The following NUP37 variants were observed in gnomAD, a reference collection of about 807,000 sequenced individuals.
The protein encoded by NUP37 is nucleoporin 37.
A neutral mutation model predicts 45.4 loss-of-function variants in NUP37; 33 were observed. That is an observed-to-expected ratio of 0.73 (90% CI 0.55 to 0.97). The LOEUF (loss-of-function observed/expected upper bound fraction) is 0.97. Ranked by LOEUF, NUP37 falls within the 50% of genes least tolerant of loss-of-function variation. The pLI is 0.00. For synonymous variants in NUP37, 127 were observed against 130.7 expected (o/e 0.97, Z 0.19); for missense variants, 365 against 389.7 (o/e 0.94, Z 0.53).
At chr12:102,079,720 GATTTTACACAGTAAA>G (rs140314899) in intron 6 of NUP37, among the ~76,000 whole-genome samples, 1,587 of 152,078 alleles carry the variant, frequency 0.01, 21 homozygotes, top group African/African-American at 0.036. Flanking sequence ...GCTTGGGGAT[GATTTTACACAGTAAA>G]ATTTTACACA....
chr12:102,096,604 G>T (rs187179333), intron 5 of NUP37, among the ~76,000 whole-genome samples: 7 of 152,222 alleles, frequency 4.6e-5, no homozygotes, highest in Admixed American at 2.6e-4. Context: ...TAAGCACTGG[G>T]TCTGCTCTTT....
At chr12:102,109,172 G>T (rs947588972) in intron 3 of NUP37, among the ~76,000 whole-genome samples, 4 of 152,034 alleles carry the variant, frequency 2.6e-5, no homozygotes, top group African/African-American at 7.3e-5. Flanking sequence ...AAACCTCAGA[G>T]AACTGAAATA....
intron 3 of NUP37, among the ~76,000 whole-genome samples, chr12:102,107,259 T>C (rs1880181307): frequency 6.6e-6 from 1 of 152,216 alleles, no homozygotes; most frequent in African/African-American, 2.4e-5. Context: ...TCCCCTCCTA[T>C]GCTGCATTTG....
chr12:102,092,739 T>A (rs533869515), intron 5 of NUP37, among the ~76,000 whole-genome samples: 3 of 152,166 alleles, frequency 2.0e-5, no homozygotes, highest in Admixed American at 1.3e-4. Flanking sequence ...ATCTTTACAG[T>A]GGGTATGGGT....
At chr12:102,114,847 C>T (rs903724348) in intron 2 of NUP37, among the ~76,000 whole-genome samples, 8 of 152,314 alleles carry the variant, frequency 5.3e-5, no homozygotes, top group South Asian at 2.1e-4. Flanking sequence ...TGGGGGATAG[C>T]TCTAATTATT....
intron 4 of NUP37, 62 bp downstream of exon 4, chr12:102,100,970 A>C: frequency 9.6e-7 from 1 of 1,039,488 alleles, no homozygotes; most frequent in Non-Finnish European, 1.4e-6. Context: ...ATCCAATTAA[A>C]AAAGCAAAAA....
intron 5 of NUP37, among the ~76,000 whole-genome samples, chr12:102,088,516 G>A (rs1879535553): frequency 6.6e-6 from 1 of 151,992 alleles, no homozygotes; most frequent in Non-Finnish European, 1.5e-5. Flanking sequence ...TCTCACAAAA[G>A]GTACCCACTA....
At chr12:102,091,998 C>T (rs1471095295) in intron 5 of NUP37, among the ~76,000 whole-genome samples, 1 of 152,032 alleles carries the variant, frequency 6.6e-6, no homozygotes, top group East Asian at 1.9e-4. Context: ...CAAAAAGGTC[C>T]CATAAATTGG....
chr12:102,075,939 C>A (rs1879154569), intron 8 of NUP37, among the ~76,000 whole-genome samples: 1 of 151,688 alleles, frequency 6.6e-6, no homozygotes, highest in Admixed American at 6.6e-5. Flanking sequence ...CTGGAACTCT[C>A]ACAGCCATCT....
chr12:102,103,289 C>A (rs142208212), intron 3 of NUP37, among the ~76,000 whole-genome samples: 1 of 152,084 alleles, frequency 6.6e-6, no homozygotes, highest in Non-Finnish European at 1.5e-5. Context: ...AATGTTTTAT[C>A]GTTTCTGTGT....
chr12:102,117,109 C>T (rs552046114), intron 2 of NUP37, among the ~76,000 whole-genome samples: 68 of 152,158 alleles, frequency 4.5e-4, no homozygotes, highest in African/African-American at 1.6e-3. Flanking sequence ...GAAAATTGGA[C>T]ACTTCCAAAT....
intron 3 of NUP37, among the ~76,000 whole-genome samples, chr12:102,104,634 T>C (rs1024714708): frequency 6.6e-6 from 1 of 152,208 alleles, no homozygotes; most frequent in Non-Finnish European, 1.5e-5. Flanking sequence ...TTGAGCTCAT[T>C]TGTGTAAAGT....
intron 6 of NUP37, among the ~76,000 whole-genome samples, chr12:102,078,238 A>G (rs367579941): frequency 1.5e-4 from 23 of 152,184 alleles, no homozygotes; most frequent in African/African-American, 5.3e-4. Context: ...CTGAGGCAGA[A>G]CTGCTTGAAT....
intron 3 of NUP37, among the ~76,000 whole-genome samples, chr12:102,107,130 C>T (rs1880177884): frequency 6.6e-6 from 1 of 152,188 alleles, no homozygotes; most frequent in Non-Finnish European, 1.5e-5. Context: ...CTGAATAAAG[C>T]CTTCTTCCCT....
At chr12:102,085,983 TA>T in intron 5 of NUP37, 127 bp from the exon 6 acceptor site, 2 of 433,260 alleles carry the variant, frequency 4.6e-6, no homozygotes, top group East Asian at 7.2e-5. Flanking sequence ...ACTTAATGTA[TA>T]TCTTTTTAAA....
At chr12:102,106,845 A>G (rs1880170088) in intron 3 of NUP37, among the ~76,000 whole-genome samples, 1 of 152,188 alleles carries the variant, frequency 6.6e-6, no homozygotes, top group Admixed American at 6.5e-5. Flanking sequence ...CTGATCTTAA[A>G]GCCTGAAAAC....
At chr12:102,107,091 C>T (rs1218953572) in intron 3 of NUP37, among the ~76,000 whole-genome samples, 3 of 152,190 alleles carry the variant, frequency 2.0e-5, no homozygotes, top group African/African-American at 4.8e-5. Context: ...GGATTTGAGA[C>T]TTATCTCCTG....
At chr12:102,112,360 ATTAAGAT>A in intron 2 of NUP37, 128 bp from the exon 3 acceptor site, 2 of 676,686 alleles carry the variant, frequency 3.0e-6, no homozygotes, top group Middle Eastern at 3.0e-4. Context: ...CAAATTACAT[ATTAAGAT>A]TTAACTAGTT....
intron 2 of NUP37, among the ~76,000 whole-genome samples, chr12:102,116,793 A>G (rs1225764077): frequency 6.6e-6 from 1 of 151,608 alleles, no homozygotes; most frequent in Non-Finnish European, 1.5e-5. Flanking sequence ...TCACGAGGTC[A>G]GTTCAAGACC....
Sources: allele counts gnomAD v4.1 joint callset (sites outside exome capture counted in the v4.1 genomes callset), GRCh38; gene constraint gnomAD v4.1.1; transcripts MANE v1.5; gene names NCBI Gene and HGNC (gene_info 2026-07-23, HGNC 2026-07-21).